The following CREM variants were observed in gnomAD, a reference collection of about 807,000 sequenced individuals.
The protein encoded by CREM is cAMP responsive element modulator, also known as cAMP-responsive element modulator.
A neutral mutation model predicts 37.3 loss-of-function variants in CREM; 13 were observed. The observed-to-expected ratio is 0.35, with a 90% CI of 0.23 to 0.55. The LOEUF is 0.55. Ranked by LOEUF, CREM falls within the 20% of genes least tolerant of loss-of-function variation. The probability of loss-of-function intolerance (pLI) is 0.88; values close to 1 mark genes in which losing one functional copy is unlikely to be tolerated. For synonymous variants in CREM, 124 were observed against 120.2 expected, an observed-to-expected ratio of 1.03 and a Z score of -0.21; for missense variants, 296 against 362.3, an observed-to-expected ratio of 0.82 and a Z score of 1.49.
intron 7 of CREM, 144 bp downstream of exon 7, chr10:35,207,195 A>C (rs1008613458): frequency 4.2e-5 from 33 of 786,304 alleles, no homozygotes; most frequent in Non-Finnish European, 5.8e-5. Context: ...GATCAAGACC[A>C]TCCTGGCTAA....
At chr10:35,171,025 G>A (rs1322491451) in intron 3 of CREM, among the ~76,000 whole-genome samples, 1 of 151,966 alleles carries the variant, frequency 6.6e-6, no homozygotes, top group African/African-American at 2.4e-5. Context: ...TGAGCTTTTG[G>A]CCTGCCTAGA....
At chr10:35,185,379 C>G (rs1258846845) in intron 5 of CREM, among the ~76,000 whole-genome samples, 2 of 152,124 alleles carry the variant, frequency 1.3e-5, no homozygotes, top group Non-Finnish European at 2.9e-5. Flanking sequence ...GCTGGGATTA[C>G]AGATGTGAGC....
At chr10:35,173,331 C>T (rs192966601) in intron 3 of CREM, among the ~76,000 whole-genome samples, 1 of 152,270 alleles carries the variant, frequency 6.6e-6, no homozygotes. Context: ...CTTTTTCTAA[C>T]ACGAGTCTTT....
At chr10:35,205,898 C>T (rs1332389499) in intron 6 of CREM, among the ~76,000 whole-genome samples, 1 of 151,628 alleles carries the variant, frequency 6.6e-6, no homozygotes, top group East Asian at 1.9e-4. Flanking sequence ...GTGGAGGTTA[C>T]AGTGAGCCAA....
intron 1 of CREM, chr10:35,135,366 A>G (rs1411696231): frequency 6.6e-6 from 1 of 152,186 alleles, no homozygotes; most frequent in African/African-American, 2.4e-5. Flanking sequence ...AATTGGTAGT[A>G]TATAAGTGTT....
At chr10:35,206,356 A>G (rs1464267593) in intron 6 of CREM, among the ~76,000 whole-genome samples, 1 of 152,162 alleles carries the variant, frequency 6.6e-6, no homozygotes, top group Non-Finnish European at 1.5e-5. Flanking sequence ...ATTAGTACTC[A>G]AAACTCATAA....
chr10:35,206,092 CA>C (rs1435961386), intron 6 of CREM, among the ~76,000 whole-genome samples: 2 of 150,630 alleles, frequency 1.3e-5, no homozygotes, highest in African/African-American at 4.9e-5. Flanking sequence ...ACTAAAAATA[CA>C]AAAAATTAGC....
At position 35,211,175 on chromosome 10, in the gene CREM, G is replaced by T. The variant is rs1210539728; in HGVS notation, c.756-79G>T. On this transcript the variant is annotated intron_variant, in intron 7 of 7. Coordinates refer to ENST00000685392, the MANE Select transcript of CREM (RefSeq NM_183011.2). ...TAGGATCGATTGGCTGTTGAGTTCG[G>T]GGGGCAGAAGTGCACTGACCCACTG... 8 of 1,498,898 alleles carry T rather than the reference G, an allele frequency of 5.3e-6. No individual in the cohort carries two copies. The Admixed American group carries it at 6.0e-5, about 11-fold the overall frequency. 92.8% of individuals were successfully genotyped at this position (1,498,898 alleles called of 1,614,324 possible).
At chr10:35,175,715 C>A in intron 3 of CREM, 1 of 1,614,052 alleles carries the variant, frequency 6.2e-7, no homozygotes. Flanking sequence ...GGTAAGTATC[C>A]TAGATAGTTT....
At position 35,198,795 on chromosome 10, in the gene CREM, T is replaced by C. The variant is rs558987471; in HGVS notation, c.599-8100T>C. Among the ~76,000 whole-genome samples the C allele has an allele frequency of 3.8e-4, 58 of 152,294 alleles. No homozygotes were observed. The South Asian group carries it at 0.012, about 32-fold the overall frequency. ...TTTGATGCATGAGAATAAGGATATA[T>C]ATCACCTTTGTGAAAGGAGGCTATT... On this transcript the variant is annotated intron_variant, in intron 6 of 7. Coordinates refer to ENST00000685392, the MANE Select transcript of CREM (RefSeq NM_183011.2).
intron 5 of CREM, chr10:35,179,521 G>T (rs1283042319): frequency 2.6e-5 from 11 of 420,090 alleles, no homozygotes; most frequent in East Asian, 2.1e-4. Flanking sequence ...GTAAAAAGGA[G>T]AATTTTTCCT....
At chr10:35,136,071 G>A (rs987581928) in intron 1 of CREM, among the ~76,000 whole-genome samples, 6 of 152,158 alleles carry the variant, frequency 3.9e-5, no homozygotes, top group African/African-American at 9.7e-5. Context: ...TCCCATGGCC[G>A]GAAGTTGGTG....
At chr10:35,169,173 A>G (rs2093687019) in intron 3 of CREM, among the ~76,000 whole-genome samples, 1 of 152,170 alleles carries the variant, frequency 6.6e-6, no homozygotes, top group Non-Finnish European at 1.5e-5. Flanking sequence ...CATTGAATCT[A>G]TAAATTACCT....
At chr10:35,197,092 C>T (rs2095215858) in intron 6 of CREM, among the ~76,000 whole-genome samples, 1 of 151,866 alleles carries the variant, frequency 6.6e-6, no homozygotes, top group African/African-American at 2.4e-5. Context: ...TTCCTGACCT[C>T]GTGATCCGCC....
intron 3 of CREM, among the ~76,000 whole-genome samples, chr10:35,163,829 C>CA (rs1051953197): frequency 1.3e-5 from 2 of 151,378 alleles, no homozygotes; most frequent in African/African-American, 4.9e-5. Flanking sequence ...CTCCAAAAAA[C>CA]AAAAAACAAA....
intron 5 of CREM, among the ~76,000 whole-genome samples, chr10:35,185,456 C>T (rs985030990): frequency 6.6e-6 from 1 of 152,070 alleles, no homozygotes; most frequent in Non-Finnish European, 1.5e-5. Context: ...GCTGCTCTTT[C>T]TAAAGCACTA....
At position 35,207,069 on chromosome 10, in the gene CREM, G is replaced by T. The variant is rs761707058; in HGVS notation, c.755+18G>T. 11 of 1,606,834 alleles carry T rather than the reference G, an allele frequency of 6.8e-6. No individual in the cohort carries two copies. In the Admixed American group the frequency reaches 1.0e-4, roughly 15 times the overall value. On this transcript the variant is annotated intron_variant, in intron 7 of 7. Coordinates refer to ENST00000685392, the MANE Select transcript of CREM (RefSeq NM_183011.2). ...AAAAACAGGTGAGGTGTTGCACAGG[G>T]AATCGGTAACTTCTAGGACACTTTT...
intron 2 of CREM, among the ~76,000 whole-genome samples, chr10:35,138,145 C>T (rs1453895268): frequency 2.0e-5 from 3 of 152,306 alleles, no homozygotes; most frequent in South Asian, 4.1e-4. Context: ...ATGAGGATGT[C>T]GATAGTTAAG....
At chr10:35,207,953 T>C (rs1310335068) in intron 7 of CREM, among the ~76,000 whole-genome samples, 1 of 152,198 alleles carries the variant, frequency 6.6e-6, no homozygotes, top group African/African-American at 2.4e-5. Context: ...GTCCAAAAGA[T>C]ACAGTAATTT....
Sources: gnomAD v4.1 joint callset for allele counts (sites outside exome capture counted in the v4.1 genomes callset) on GRCh38, gnomAD v4.1.1 for gene constraint, MANE v1.5 for transcripts, NCBI Gene and HGNC (gene_info 2026-07-23, HGNC 2026-07-21) for gene names.